SYN2: variants seen among roughly 807,000 people sequenced by gnomAD.
SYN2 encodes synapsin-2.
A neutral mutation model predicts 50.9 loss-of-function variants in SYN2; 19 were observed. The ratio of observed to expected loss-of-function variants is 0.37; its 90% CI spans 0.26 to 0.55. SYN2 has a LOEUF of 0.55. Ranked by LOEUF, SYN2 falls within the 20% of genes least tolerant of loss-of-function variation. The pLI, the probability that SYN2 is intolerant of heterozygous loss-of-function variation, is 0.81. For synonymous variants in SYN2, 255 were observed against 224.9 expected (o/e 1.13, Z -1.20); for missense variants, 587 against 576.4 (o/e 1.02, Z -0.19).
At chr3:12,024,149 C>CTTTT (rs35513783) in intron 1 of SYN2, among the ~76,000 whole-genome samples, 20 of 68,338 alleles carry the variant, frequency 2.9e-4, no homozygotes, top group East Asian at 4.4e-4. Context: ...TCATTACTTC[C>CTTTT]TTTTTTTTTT....
chr3:12,051,562 G>C (rs1694866349), intron 1 of SYN2, among the ~76,000 whole-genome samples: 1 of 152,156 alleles, frequency 6.6e-6, no homozygotes, highest in Non-Finnish European at 1.5e-5. Context: ...TGTAAGAACT[G>C]AAAGGTCTTA....
chr3:12,072,306 G>GT (rs1460246872), intron 1 of SYN2, among the ~76,000 whole-genome samples: 1 of 152,072 alleles, frequency 6.6e-6, no homozygotes, highest in Non-Finnish European at 1.5e-5. Context: ...TCTATTGATA[G>GT]TATCTTTTGA....
chr3:12,089,994 A>G (rs1464880594), intron 1 of SYN2, among the ~76,000 whole-genome samples: 4 of 152,232 alleles, frequency 2.6e-5, no homozygotes, highest in East Asian at 3.8e-4. Context: ...TTCAATGAGC[A>G]CTAGGTAGCC....
chr3:12,033,336 A>G (rs2125143776), intron 1 of SYN2, among the ~76,000 whole-genome samples: 1 of 152,260 alleles, frequency 6.6e-6, no homozygotes, highest in East Asian at 1.9e-4. Context: ...TCACGCTGGG[A>G]GCTGTAGACC....
chr3:12,164,861 A>C (rs573981444), intron 7 of SYN2, among the ~76,000 whole-genome samples: 129 of 152,376 alleles, frequency 8.5e-4, no homozygotes, highest in African/African-American at 2.8e-3. Flanking sequence ...CCTATAAATC[A>C]ACAGGGTTAT....
intron 1 of SYN2, among the ~76,000 whole-genome samples, chr3:12,089,930 C>G (rs1695788689): frequency 6.6e-6 from 1 of 152,132 alleles, no homozygotes; most frequent in African/African-American, 2.4e-5. Context: ...TCTGGACAGT[C>G]ACTTGTAGTG....
At chr3:12,133,354 C>T (rs1175791793) in intron 1 of SYN2, among the ~76,000 whole-genome samples, 5 of 152,120 alleles carry the variant, frequency 3.3e-5, no homozygotes, top group African/African-American at 4.8e-5. Flanking sequence ...TTTTATGGTC[C>T]ATAAATTAGA....
At chr3:12,101,502 C>T (rs1371982050) in intron 1 of SYN2, among the ~76,000 whole-genome samples, 3 of 152,154 alleles carry the variant, frequency 2.0e-5, no homozygotes, top group Non-Finnish European at 4.4e-5. Flanking sequence ...TATGCTATGA[C>T]TGCTGTTGGG....
intron 1 of SYN2, 80 bp from the exon 2 acceptor site, chr3:12,140,571 T>G (rs1467085351): frequency 4.2e-6 from 3 of 717,426 alleles, no homozygotes; most frequent in Non-Finnish European, 7.8e-6. Context: ...TCTGCTGTGG[T>G]CCTCTTCTTT....
At chr3:12,044,911 A>G (rs1694702691) in intron 1 of SYN2, among the ~76,000 whole-genome samples, 1 of 152,206 alleles carries the variant, frequency 6.6e-6, no homozygotes, top group Non-Finnish European at 1.5e-5. Flanking sequence ...TAAATTTCAC[A>G]ATTACCTGAA....
chr3:12,156,124 A>C (rs957932902), intron 5 of SYN2, among the ~76,000 whole-genome samples: 1 of 152,160 alleles, frequency 6.6e-6, no homozygotes, highest in Non-Finnish European at 1.5e-5. Flanking sequence ...GAATGTGTGG[A>C]TAGATCGTGG....
chr3:12,186,123 A>G (rs1029709101), intron 11 of SYN2, among the ~76,000 whole-genome samples: 1 of 150,946 alleles, frequency 6.6e-6, no homozygotes, highest in African/African-American at 2.5e-5. Context: ...CAGAGGGTGC[A>G]GATGTTCTGG....
Position 12,010,155 on chromosome 3 carries a change from C to A in SYN2, c.377+5227C>A, listed in dbSNP as rs926565973. On this transcript the variant is annotated intron_variant, in intron 1 of 12. Transcript: ENST00000621198. ...CTCTTGGAGACCTAGTCGTCAAAAT[C>A]CAGCAATCTAATAAAGTTAGTAGGA... 9.9e-5 allele frequency among the ~76,000 whole-genome samples: 15 copies of A among 152,166 alleles called. 2 individuals carry two copies. In the South Asian group the frequency reaches 3.1e-3, roughly 32 times the overall value.
At chr3:12,043,391 A>G (rs1448915861) in intron 1 of SYN2, among the ~76,000 whole-genome samples, 5 of 152,084 alleles carry the variant, frequency 3.3e-5, no homozygotes, top group Admixed American at 3.3e-4. Flanking sequence ...ATTTGTTATG[A>G]CAGCCTTAGG....
chr3:12,068,229 T>G (rs1695263515), intron 1 of SYN2, among the ~76,000 whole-genome samples: 1 of 7,318 alleles, frequency 1.4e-4, no homozygotes, highest in Non-Finnish European at 1.9e-4. Flanking sequence ...ATCTTTATAC[T>G]ACCTTGTACT....
At chr3:12,057,667 C>T (rs994852678) in intron 1 of SYN2, among the ~76,000 whole-genome samples, 1 of 152,140 alleles carries the variant, frequency 6.6e-6, no homozygotes, top group African/African-American at 2.4e-5. Flanking sequence ...TTGATTCAGT[C>T]TGATAACTTT....
rs372372326 is a variant in SYN2, at chr3:12,145,782, C to G, written c.631C>G (p.Pro211Ala). The G allele has an allele frequency of 1.2e-6, 2 of 1,613,868 alleles. No individual in the cohort carries two copies. The highest frequency in any genetic ancestry group is 3.3e-5 in the Admixed American group (2 of 60,008). The change falls in exon 4 of 13, where the codon CCC becomes GCC. Residue 211 changes from proline (P) to alanine (A), a missense_variant. By Grantham distance (27) the Pro-to-Ala change is conservative (BLOSUM62 -1). Coordinates refer to ENST00000621198, the MANE Select transcript of SYN2 (RefSeq NM_133625.6). ...LIIGMQYAGL[P>A]SINSLESIYN... ...CATTGGTATGCAGTATGCAGGCCTC[C>G]CCAGCATCAACTCACTGGAATCCAT...
At chr3:12,050,147 C>A (rs1443726734) in intron 1 of SYN2, among the ~76,000 whole-genome samples, 2 of 151,954 alleles carry the variant, frequency 1.3e-5, no homozygotes, top group Admixed American at 1.3e-4. Context: ...GCGATTCACC[C>A]GCCTCGGCCT....
intron 1 of SYN2, among the ~76,000 whole-genome samples, chr3:12,037,391 C>G (rs1294528475): frequency 2.0e-5 from 3 of 152,230 alleles, no homozygotes; most frequent in Admixed American, 6.5e-5. Context: ...TTATCTCACT[C>G]TGTTTTGTAT....
Sources: gnomAD v4.1 joint callset for allele counts (sites outside exome capture counted in the v4.1 genomes callset) on GRCh38, gnomAD v4.1.1 for gene constraint, MANE v1.5 for transcripts, NCBI Gene and HGNC (gene_info 2026-07-23, HGNC 2026-07-21) for gene names.